The following GTF2I variants were observed in gnomAD, a reference collection of about 807,000 sequenced individuals.
GTF2I encodes the protein general transcription factor II-I.
Under a neutral mutation model 67.6 loss-of-function variants are expected in GTF2I, and 12 were observed. That is an observed-to-expected ratio of 0.18 (90% confidence interval 0.11 to 0.29). GTF2I has a LOEUF of 0.29. Among genes scored for constraint, GTF2I ranks in the 10% least tolerant of loss-of-function variants. The pLI, the probability that GTF2I is intolerant of heterozygous loss-of-function variation, is 1.00. For missense variants in GTF2I, 271 were observed against 580.1 expected, an observed-to-expected ratio of 0.47 and a Z score of 5.47; for synonymous variants, 149 against 197.0, an observed-to-expected ratio of 0.76 and a Z score of 2.04.
chr7:74,666,525 C>CT (rs1804990326), intron 1 of GTF2I, among the ~76,000 whole-genome samples: 3 of 54,734 alleles, frequency 5.5e-5, no homozygotes, highest in South Asian at 6.1e-4. Flanking sequence ...CTTCGTTTTC[C>CT]CCCCCGGTAA....
At chr7:74,722,308 G>A (rs1793117952) in intron 12 of GTF2I, among the ~76,000 whole-genome samples, 1 of 152,170 alleles carries the variant, frequency 6.6e-6, no homozygotes, top group Admixed American at 6.5e-5. Flanking sequence ...TTAGGTTTGG[G>A]AAATCGGCCT....
At chr7:74,676,069 T>C (rs182387725) in intron 1 of GTF2I, among the ~76,000 whole-genome samples, 12 of 152,022 alleles carry the variant, frequency 7.9e-5, no homozygotes, top group Admixed American at 6.6e-4. Flanking sequence ...ATTGAGGACA[T>C]CTAGTCAGTT....
intron 1 of GTF2I, among the ~76,000 whole-genome samples, chr7:74,680,289 C>T (rs1196680263): frequency 6.6e-6 from 1 of 150,940 alleles, no homozygotes; most frequent in African/African-American, 2.4e-5. Flanking sequence ...ACTTGCCAGT[C>T]TGACTGGAAC....
intron 9 of GTF2I, among the ~76,000 whole-genome samples, chr7:74,712,932 A>T (rs1374778844): frequency 1.4e-4 from 22 of 152,152 alleles, no homozygotes. Flanking sequence ...ATAGGCTTGG[A>T]TATATTTCTC....
rs782022584 is a variant in GTF2I, at chr7:74,750,593, C to CT, written c.2421-740dup. On this transcript the variant is annotated intron_variant, in intron 26 of 34. Transcript: ENST00000573035. ...GGATGCTCTCAAGCAAAGCTGGCCACTTTTTTTTTTTTTTTTTTTTTTTTT... is the reference window on the plus strand; with the variant it reads ...GGATGCTCTCAAGCAAAGCTGGCCACTTTTTTTTTTTTTTTTTTTTTTTTTT... Among the ~76,000 whole-genome samples, 643 of 69,070 alleles carry CT rather than the reference C, an allele frequency of 9.3e-3. 38 individuals are homozygous for CT. Among genetic ancestry groups the CT allele is most frequent in the African/African-American group, 0.024 (386 of 15,866 alleles). The allele number at this position is 69,070 out of a possible 152,430, so 45.3% of individuals were successfully genotyped here. A position where few individuals can be genotyped will look rare whatever the true frequency, so the allele number is the denominator to read the frequency against.
intron 6 of GTF2I, among the ~76,000 whole-genome samples, chr7:74,703,410 C>G (rs924157167): frequency 1.3e-5 from 2 of 151,720 alleles, no homozygotes; most frequent in African/African-American, 2.4e-5. Flanking sequence ...GACAGAGTCT[C>G]GCTGTGTCAC....
chr7:74,676,812 T>TTAG (rs1805944227), intron 1 of GTF2I, among the ~76,000 whole-genome samples: 1 of 152,094 alleles, frequency 6.6e-6, no homozygotes, highest in Admixed American at 6.6e-5. Flanking sequence ...TCCCAGCACT[T>TTAG]TAGGAGGCTG....
At chr7:74,749,634 A>G (rs1795667511) in intron 26 of GTF2I, among the ~76,000 whole-genome samples, 183 bp downstream of exon 26, 2 of 150,972 alleles carry the variant, frequency 1.3e-5, no homozygotes, top group Admixed American at 1.3e-4. Context: ...CACACCTGTA[A>G]TCCCAGCACT....
chr7:74,666,169 C>T (rs1204836452), intron 1 of GTF2I, among the ~76,000 whole-genome samples: 3 of 152,138 alleles, frequency 2.0e-5, no homozygotes, highest in African/African-American at 7.2e-5. Flanking sequence ...ATTGATGAAA[C>T]CTGAGAATGT....
chr7:74,714,719 C>CT (rs371275895), intron 9 of GTF2I, 138 bp from the exon 10 acceptor site: 7,527 of 434,582 alleles, frequency 0.017, no homozygotes, highest in East Asian at 0.02. Flanking sequence ...TCTTGTCAGT[C>CT]TTTTTTTTTT....
At chr7:74,689,036 C>G (rs1425616863) in intron 1 of GTF2I, 88 bp from the exon 2 acceptor site, 3 of 729,578 alleles carry the variant, frequency 4.1e-6, no homozygotes, top group Non-Finnish European at 7.4e-6. Context: ...GTAAATTAGG[C>G]AGCCGGTGAG....
intron 12 of GTF2I, among the ~76,000 whole-genome samples, chr7:74,721,821 T>C (rs1554404684): frequency 6.6e-6 from 1 of 151,406 alleles, no homozygotes; most frequent in Non-Finnish European, 1.5e-5. Context: ...TTTCCAATAA[T>C]CTGAAAAAAG....
At chr7:74,685,149 G>A (rs1787595221) in intron 1 of GTF2I, among the ~76,000 whole-genome samples, 1 of 152,202 alleles carries the variant, frequency 6.6e-6, no homozygotes, top group African/African-American at 2.4e-5. Context: ...CCCTATGCAA[G>A]CATCTGTGGA....
intron 12 of GTF2I, among the ~76,000 whole-genome samples, chr7:74,725,984 C>T (rs587742378): frequency 2.0e-4 from 30 of 152,146 alleles, no homozygotes; most frequent in South Asian, 1.0e-3. Flanking sequence ...CTTCCCTTCC[C>T]CTGGGCCTCA....
At chr7:74,714,304 G>A (rs1258250173) in intron 9 of GTF2I, among the ~76,000 whole-genome samples, 1 of 152,064 alleles carries the variant, frequency 6.6e-6, no homozygotes, top group East Asian at 1.9e-4. Flanking sequence ...CCGCTGTGCT[G>A]GAAGAAAGGG....
intron 1 of GTF2I, among the ~76,000 whole-genome samples, chr7:74,686,411 G>GA (rs1787729876): frequency 6.6e-6 from 1 of 152,164 alleles, no homozygotes. Context: ...GCAGTAGGCA[G>GA]AAAATTGCCC....
chr7:74,687,665 C>A (rs898651407), intron 1 of GTF2I: 4 of 476,460 alleles, frequency 8.4e-6, no homozygotes, highest in African/African-American at 8.4e-5. Context: ...AATAGAGCAT[C>A]CTCTTTAATA....
intron 1 of GTF2I, among the ~76,000 whole-genome samples, chr7:74,684,464 C>G (rs1054975702): frequency 6.6e-6 from 1 of 152,176 alleles, no homozygotes; most frequent in Non-Finnish European, 1.5e-5. Flanking sequence ...GATGCCTCCT[C>G]TGGTGTTCAT....
intron 1 of GTF2I, among the ~76,000 whole-genome samples, chr7:74,671,316 AC>A (rs1288197750): frequency 1.3e-5 from 2 of 151,796 alleles, no homozygotes; most frequent in East Asian, 3.9e-4. Flanking sequence ...TGAACTCCTG[AC>A]CTCAGGTGAT....
Sources: gnomAD v4.1 joint callset for allele counts (sites outside exome capture counted in the v4.1 genomes callset) on GRCh38, gnomAD v4.1.1 for gene constraint, MANE v1.5 for transcripts, NCBI Gene and HGNC (gene_info 2026-07-23, HGNC 2026-07-21) for gene names.